The following DGKI variants were observed in gnomAD, a reference collection of about 807,000 sequenced individuals.
DGKI encodes DAG kinase iota.
In DGKI, 55 loss-of-function variants were observed where a neutral mutation model predicts 147.5. That is an observed-to-expected ratio of 0.37 (90% CI 0.30 to 0.47). The LOEUF is 0.47. DGKI is among the 20% of genes least tolerant of loss of function. The pLI is 1.00. For missense variants in DGKI, 1,007 were observed against 1,323.8 expected, an observed-to-expected ratio of 0.76 and a Z score of 3.71; for synonymous variants, 469 against 477.1, an observed-to-expected ratio of 0.98 and a Z score of 0.22.
chr7:137,825,597 TG>T (rs1166395381), intron 1 of DGKI, among the ~76,000 whole-genome samples: 1 of 151,902 alleles, frequency 6.6e-6, no homozygotes, highest in Non-Finnish European at 1.5e-5. Context: ...TACACAGGCA[TG>T]CACCCCCCAA....
intron 1 of DGKI, among the ~76,000 whole-genome samples, chr7:137,714,975 T>G (rs1460328848): frequency 6.6e-6 from 1 of 152,198 alleles, no homozygotes; most frequent in Non-Finnish European, 1.5e-5. Flanking sequence ...GGCATTCATA[T>G]TGTTATCCTC....
intron 2 of DGKI, among the ~76,000 whole-genome samples, chr7:137,686,872 C>T (rs1015563724): frequency 3.3e-5 from 5 of 152,190 alleles, no homozygotes; most frequent in Admixed American, 2.6e-4. Context: ...TGTCAGAACA[C>T]GGCCCTTTTG....
chr7:137,742,399 C>G (rs192542855), intron 1 of DGKI, among the ~76,000 whole-genome samples: 1 of 152,274 alleles, frequency 6.6e-6, no homozygotes, highest in Non-Finnish European at 1.5e-5. Flanking sequence ...AAGCAGAGAA[C>G]CTCAAATTTG....
chr7:137,798,844 C>G (rs749203582), intron 1 of DGKI, among the ~76,000 whole-genome samples: 1 of 152,078 alleles, frequency 6.6e-6, no homozygotes, highest in Non-Finnish European at 1.5e-5. Context: ...GTTAGTTTAG[C>G]ACAGTAAAAT....
intron 19 of DGKI, among the ~76,000 whole-genome samples, chr7:137,560,783 C>T (rs1818394029): frequency 1.3e-5 from 2 of 152,118 alleles, no homozygotes; most frequent in Non-Finnish European, 2.9e-5. Context: ...GGGCAGCCTC[C>T]AGTAGCTGAA....
intron 19 of DGKI, among the ~76,000 whole-genome samples, chr7:137,566,423 G>A (rs929827998): frequency 6.6e-6 from 1 of 152,038 alleles, no homozygotes; most frequent in African/African-American, 2.4e-5. Flanking sequence ...GATAAAATGT[G>A]TCTAAAAAGA....
At chr7:137,542,772 A>C (rs1817744880) in intron 20 of DGKI, among the ~76,000 whole-genome samples, 1 of 152,210 alleles carries the variant, frequency 6.6e-6, no homozygotes, top group Admixed American at 6.5e-5. Flanking sequence ...AATATTAAAA[A>C]TAAAAGCAAA....
intron 25 of DGKI, 30 bp from the exon 26 acceptor site, chr7:137,466,065 A>T: frequency 6.2e-7 from 1 of 1,610,254 alleles, no homozygotes; most frequent in Non-Finnish European, 8.5e-7. Context: ...CTGTTGCATG[A>T]AGAATAACAA....
intron 28 of DGKI, among the ~76,000 whole-genome samples, chr7:137,427,066 GA>G (rs1184445900): frequency 6.6e-6 from 1 of 151,644 alleles, no homozygotes; most frequent in East Asian, 1.9e-4. Flanking sequence ...GACATCTACA[GA>G]ACTCTCCAAC....
In DGKI at chr7:137,680,125, A is replaced by G. The variant is rs563431392; in HGVS notation, c.511-1473T>C. Among the ~76,000 whole-genome samples, 19 of 152,234 alleles carry G rather than the reference A, an allele frequency of 1.2e-4. No individual in the cohort carries two copies. In the South Asian group the frequency reaches 3.9e-3, roughly 32 times the overall value. On this transcript the variant is annotated intron_variant, in intron 2 of 32. Coordinates refer to ENST00000614521, the MANE Select transcript of DGKI (RefSeq NM_001321708.2). The stretch of plus-strand genomic sequence containing the variant: ...CATAATGGGATTAGTGTCCTTATAG[A>G]AGAGACACATGGGAGATTCCCCTCA...
chr7:137,800,447 A>C (rs893167536), intron 1 of DGKI, among the ~76,000 whole-genome samples: 6 of 151,328 alleles, frequency 4.0e-5, no homozygotes, highest in African/African-American at 1.5e-4. Context: ...CCTCCCCCCA[A>C]CTCTCAGTTT....
At chr7:137,684,790 G>A (rs141166122) in intron 2 of DGKI, among the ~76,000 whole-genome samples, 36 of 152,272 alleles carry the variant, frequency 2.4e-4, no homozygotes, top group Middle Eastern at 3.4e-3. Context: ...AAATGGGGCT[G>A]GGAGTGGGGA....
Position 137,391,348 on chromosome 7 carries a change from TAGTG to T in DGKI, c.3058-16_3058-13del, listed in dbSNP as rs760110271. On this transcript the variant is annotated splice_polypyrimidine_tract_variant and intron_variant, in intron 32 of 32. Transcript: ENST00000614521. Reference sequence around the variant, plus strand: ...TGAGGTGTCTTACCCTATACGAAAATAGTGAGAAAAAAAAAAAGAGAGAGAGAGA... The same window carrying T: ...TGAGGTGTCTTACCCTATACGAAAATAGAAAAAAAAAAAGAGAGAGAGAGA... 15 of 1,453,672 alleles carry T rather than the reference TAGTG, an allele frequency of 1.0e-5. No individual in the cohort carries two copies. Among genetic ancestry groups the T allele is most frequent in the Middle Eastern group, 1.8e-4 (1 of 5,428 alleles). The allele number at this position is 1,453,672 out of a possible 1,614,324, so 90.0% of individuals were successfully genotyped here. A position where few individuals can be genotyped will look rare whatever the true frequency, so the allele number is the denominator to read the frequency against.
intron 3 of DGKI, among the ~76,000 whole-genome samples, chr7:137,668,355 T>C (rs1384169097): frequency 2.0e-5 from 3 of 152,138 alleles, no homozygotes; most frequent in African/African-American, 7.2e-5. Context: ...CTTACACAAG[T>C]CAGCTACCTG....
intron 27 of DGKI, among the ~76,000 whole-genome samples, chr7:137,460,199 A>G (rs1448127863): frequency 1.3e-5 from 2 of 152,196 alleles, no homozygotes; most frequent in Non-Finnish European, 2.9e-5. Context: ...GGGCCTTTTC[A>G]GTTACTGATT....
intron 27 of DGKI, among the ~76,000 whole-genome samples, chr7:137,459,234 G>A (rs13224598): frequency 0.12 from 17,572 of 151,942 alleles, 2,116 homozygotes; most frequent in African/African-American, 0.31. Context: ...TGGATCTAAG[G>A]GACTATTTTA....
In DGKI at chr7:137,472,234, A is replaced by T. The variant is rs1301914979; in HGVS notation, c.2374-2615T>A. 4.8e-3 allele frequency among the ~76,000 whole-genome samples: 458 copies of T among 95,064 alleles called. 13 individuals are homozygous for T. The highest frequency in any genetic ancestry group is 0.022 in the African/African-American group (436 of 19,678). The allele number at this position is 95,064 out of a possible 152,430, so 62.4% of individuals were successfully genotyped here. On this transcript the variant is annotated intron_variant, in intron 23 of 32. Coordinates refer to ENST00000614521, the MANE Select transcript of DGKI (RefSeq NM_001321708.2). ...ACATATATATGTATATATACATATA[A>T]TATATGTATATATACACATAATATT...
chr7:137,441,420 CA>C (rs538892825), intron 28 of DGKI, among the ~76,000 whole-genome samples: 2,106 of 67,520 alleles, frequency 0.031, 28 homozygotes, highest in African/African-American at 0.097. Context: ...GACTCCGTCT[CA>C]AAAAAAAAAA....
intron 21 of DGKI, among the ~76,000 whole-genome samples, chr7:137,519,004 A>G (rs1816872617): frequency 6.6e-6 from 1 of 152,030 alleles, no homozygotes; most frequent in Admixed American, 6.6e-5. Context: ...CCCCTCTTGC[A>G]AACCACAACT....
Sources: allele counts gnomAD v4.1 joint callset (sites outside exome capture counted in the v4.1 genomes callset), GRCh38; gene constraint gnomAD v4.1.1; transcripts MANE v1.5; gene names NCBI Gene and HGNC (gene_info 2026-07-23, HGNC 2026-07-21).